Variants in ERI1 observed in about 807,000 individuals in gnomAD.
ERI1 encodes the protein 3'-5' exoribonuclease 1.
ERI1 carries 39 observed loss-of-function variants against 39.7 expected under a neutral mutation model. That is an observed-to-expected ratio of 0.98 (90% CI 0.76 to 1.28). The LOEUF (loss-of-function observed/expected upper bound fraction) is 1.28, where lower values mean the gene tolerates loss of function less well. Among genes scored for constraint, ERI1 ranks in the 50% most tolerant of loss-of-function variants. ERI1 has a pLI of 0.00. For missense variants in ERI1, 581 were observed against 416.9 expected (o/e 1.39, Z -3.43); for synonymous variants, 204 against 149.6 (o/e 1.36, Z -2.65).
chr8:9,003,204 C>T, intron 1 of ERI1, 33 bp downstream of exon 1: 1 of 1,209,830 alleles, frequency 8.3e-7, no homozygotes, highest in Non-Finnish European at 1.0e-6. Flanking sequence ...GCTGTTGGCG[C>T]CAGCTGCCCC....
At chr8:9,081,014 A>G (rs747109384) in intron 3 of ERI1, among the ~76,000 whole-genome samples, 26 of 152,248 alleles carry the variant, frequency 1.7e-4, no homozygotes, top group Admixed American at 1.0e-3. Flanking sequence ...ACAGTTCCTC[A>G]TGGCTGGGGA....
intron 1 of ERI1, among the ~76,000 whole-genome samples, chr8:9,003,475 C>T (rs999352459): frequency 2.0e-5 from 3 of 152,206 alleles, no homozygotes; most frequent in Non-Finnish European, 2.9e-5. Context: ...TTGCTGTTGT[C>T]ACTCCATGTA....
intron 3 of ERI1, among the ~76,000 whole-genome samples, chr8:9,070,103 G>A (rs576116858): frequency 1.3e-5 from 2 of 152,116 alleles, no homozygotes; most frequent in African/African-American, 4.8e-5. Flanking sequence ...GCTGGGCTTG[G>A]TGGCAGGCAC....
chr8:9,029,369 T>G (rs1313615591), intron 6 of ERI1, among the ~76,000 whole-genome samples: 1 of 152,088 alleles, frequency 6.6e-6, no homozygotes, highest in Non-Finnish European at 1.5e-5. Flanking sequence ...CGCTCTGTTG[T>G]TCAGGCTGGA....
chr8:9,029,975 T>A lies in ERI1; in HGVS notation c.991T>A (p.Ser331Thr). The A allele has an allele frequency of 1.9e-6, 3 of 1,614,104 alleles. No homozygotes were observed. The highest frequency in any genetic ancestry group is 2.5e-6 in the Non-Finnish European group (3 of 1,179,992). ...KMHAGQLMSV[S>T]SSLPIEGTPP... ...GCATGCAGGACAGCTAATGAGTGTG[T>A]CCTCTTCCTTACCAATAGAGGGCAC... Residue 331 changes from serine (S) to threonine (T), a missense_variant, in exon 7 of 7, where the codon TCC becomes ACC. Physicochemically the swap from Ser to Thr is moderately conservative, Grantham distance 58 (BLOSUM62 1). Coordinates refer to ENST00000250263, the MANE Select transcript of ERI1 (RefSeq NM_153332.4).
intron 3 of ERI1, among the ~76,000 whole-genome samples, chr8:9,071,927 G>A (rs992113028): frequency 1.5e-4 from 23 of 152,284 alleles, no homozygotes; most frequent in Admixed American, 1.2e-3. Flanking sequence ...ATTAGCAAGC[G>A]TGGTGGTGCG....
At chr8:9,022,559 C>A (rs974009418) in intron 6 of ERI1, among the ~76,000 whole-genome samples, 1 of 152,140 alleles carries the variant, frequency 6.6e-6, no homozygotes, top group Non-Finnish European at 1.5e-5. Flanking sequence ...ACAACCACAA[C>A]TGGCTAATTT....
At chr8:9,012,008 A>C (rs1293976467) in intron 3 of ERI1, among the ~76,000 whole-genome samples, 4 of 147,560 alleles carry the variant, frequency 2.7e-5, no homozygotes, top group Non-Finnish European at 6.0e-5. Flanking sequence ...GGGTGTGGAC[A>C]TCAGAATCTC....
chr8:9,054,665 C>A (rs953388588), intron 3 of ERI1, among the ~76,000 whole-genome samples: 2 of 152,264 alleles, frequency 1.3e-5, no homozygotes, highest in Non-Finnish European at 2.9e-5. Context: ...TGGCCCACGC[C>A]TGTGATCCCA....
chr8:9,078,138 C>T lies in ERI1; in HGVS notation n.300-38210C>T, dbSNP rs1366533781. Among the ~76,000 whole-genome samples, 4 of 152,074 alleles carry T rather than the reference C, an allele frequency of 2.6e-5. No homozygotes were observed. The South Asian group carries it at 6.2e-4, about 24-fold the overall frequency. On this transcript the variant is annotated intron_variant and non_coding_transcript_variant, in intron 3 of 3. Coordinates refer to the ERI1 transcript ENST00000518663. ...CCGAGTAGCTGGGACGACATGCGTG[C>T]GCCACCACGCCTGGCTAATTTTTGT...
intron 3 of ERI1, among the ~76,000 whole-genome samples, chr8:9,070,409 G>T (rs995477274): frequency 6.6e-6 from 1 of 152,154 alleles, no homozygotes; most frequent in East Asian, 1.9e-4. Flanking sequence ...GATGGCTTGA[G>T]CCCAGGAATT....
Position 9,051,176 on chromosome 8 carries a change from A to G in ERI1, n.299+30712A>G, listed in dbSNP as rs1798343299. On this transcript the variant is annotated intron_variant and non_coding_transcript_variant, in intron 3 of 3. Coordinates refer to the ERI1 transcript ENST00000518663. ...TATATATATGTATGTATATATGAAT[A>G]TATATATATATGAAAAGGAGTTTAT... 2.6e-5 allele frequency among the ~76,000 whole-genome samples: 4 copies of G among 151,300 alleles called. No individual in the cohort carries two copies. The South Asian group carries it at 8.3e-4, about 32-fold the overall frequency.
intron 3 of ERI1, among the ~76,000 whole-genome samples, chr8:9,014,110 T>C (rs559270591): frequency 1.8e-4 from 27 of 152,332 alleles, no homozygotes; most frequent in African/African-American, 5.8e-4. Context: ...ATTCCTTACA[T>C]GACCTGGCCT....
chr8:9,085,596 C>G (rs1022414553), intron 3 of ERI1, among the ~76,000 whole-genome samples: 1 of 151,574 alleles, frequency 6.6e-6, no homozygotes, highest in Non-Finnish European at 1.5e-5. Flanking sequence ...GTGTACTAAA[C>G]TTGTAGAGTG....
intron 3 of ERI1, chr8:9,091,513 A>C (rs997687324): frequency 6.6e-6 from 1 of 152,026 alleles, no homozygotes; most frequent in Admixed American, 6.5e-5. Context: ...GTCTCAAAAA[A>C]AAAAAAAGAG....
rs201643475 is a variant in ERI1 at position 9,008,076 on chromosome 8, C to T, written c.215C>T (p.Thr72Met). Residue 72 changes from threonine (T) to methionine (M), a missense_variant, in exon 2 of 7, where the codon ACG becomes ATG. Transcript: ENST00000250263. ...SDPVYKEIAI[T>M]NGCINRMSKE... ...CCGGTTTACAAAGAGATTGCCATTACGAATGGCTGTATTAATAGAATGAGT... is the reference window on the plus strand; with the variant it reads ...CCGGTTTACAAAGAGATTGCCATTATGAATGGCTGTATTAATAGAATGAGT... 97 of 1,610,112 alleles carry T rather than the reference C, an allele frequency of 6.0e-5. No individual in the cohort carries two copies. The highest frequency in any genetic ancestry group is 7.0e-5 in the Non-Finnish European group (82 of 1,178,930).
At chr8:9,070,617 G>A (rs192216920) in intron 3 of ERI1, among the ~76,000 whole-genome samples, 2 of 152,174 alleles carry the variant, frequency 1.3e-5, no homozygotes, top group Non-Finnish European at 2.9e-5. Context: ...TTCACCCACG[G>A]AACATTCCTA....
In ERI1 at chr8:9,059,451, C is replaced by T. The variant is rs574084625; in HGVS notation, n.299+38987C>T. 1.2e-4 allele frequency among the ~76,000 whole-genome samples: 18 copies of T among 151,100 alleles called. No homozygotes were observed. The East Asian group carries it at 3.3e-3, about 28-fold the overall frequency. ...CTGCTTCGAGCAGGATTAGGGGCAG[C>T]GTGGGAATCTAGAATGGGAGAGAGA... On this transcript the variant is annotated intron_variant and non_coding_transcript_variant, in intron 3 of 3. Coordinates refer to the ERI1 transcript ENST00000518663.
At chr8:9,055,377 T>C (rs1263218440) in intron 3 of ERI1, among the ~76,000 whole-genome samples, 1 of 152,218 alleles carries the variant, frequency 6.6e-6, no homozygotes, top group African/African-American at 2.4e-5. Context: ...TAAGCCAAAC[T>C]TGACTTAACA....
Sources: gnomAD v4.1 joint callset for allele counts (sites outside exome capture counted in the v4.1 genomes callset) on GRCh38, gnomAD v4.1.1 for gene constraint, MANE v1.5 for transcripts, NCBI Gene and HGNC (gene_info 2026-07-23, HGNC 2026-07-21) for gene names.